Variants in AZIN1 observed in about 807,000 individuals in gnomAD.
The protein encoded by AZIN1 is ornithine decarboxylase antizyme inhibitor.
A neutral mutation model predicts 47.4 loss-of-function variants in AZIN1; 12 were observed. The observed-to-expected ratio is 0.25, with a 90% confidence interval of 0.16 to 0.41. The LOEUF (loss-of-function observed/expected upper bound fraction) is 0.41, where lower values mean the gene tolerates loss of function less well. Ranked by LOEUF, AZIN1 falls within the 10% of genes least tolerant of loss-of-function variation. The pLI, the probability that AZIN1 is intolerant of heterozygous loss-of-function variation, is 1.00. For missense variants in AZIN1, 410 were observed against 532.4 expected (o/e 0.77, Z 2.26); for synonymous variants, 155 against 176.3 (o/e 0.88, Z 0.96).
chr8:102,854,626 A>ATTTTTT lies in AZIN1; in HGVS notation c.-96+3381_-96+3386dup, dbSNP rs368388211. On this transcript the variant is annotated intron_variant, in intron 2 of 11. Transcript: ENST00000337198. ...AAAAAAAATATATATATATATATATATTTTTTTTCCCTAGTTAAAATAATC... is the reference window on the plus strand; with the variant it reads ...AAAAAAAATATATATATATATATATATTTTTTTTTTTTTTCCCTAGTTAAAATAATC... 1.6e-3 allele frequency: 221 copies of ATTTTTT among 136,694 alleles called. 1 individual carries two copies. The highest frequency in any genetic ancestry group is 7.6e-3 in the Admixed American group (98 of 12,946). The allele number at this position is 136,694 out of a possible 1,614,324, so 8.5% of individuals were successfully genotyped here.
At chr8:102,860,324 G>A (rs1297525271) in intron 1 of AZIN1, among the ~76,000 whole-genome samples, 3 of 152,034 alleles carry the variant, frequency 2.0e-5, no homozygotes, top group Non-Finnish European at 2.9e-5. Flanking sequence ...GTGCAGTGGC[G>A]CGATCTTGGC....
intron 2 of AZIN1, among the ~76,000 whole-genome samples, chr8:102,853,135 A>G (rs879895591): frequency 6.6e-5 from 10 of 152,276 alleles, no homozygotes; most frequent in Non-Finnish European, 1.0e-4. Context: ...TGGAACACAC[A>G]GATTGGTAGT....
chr8:102,834,624 G>A lies in AZIN1; in HGVS notation c.666+42C>T. The A allele has an allele frequency of 2.1e-6, 3 of 1,461,126 alleles. No individual in the cohort carries two copies. The South Asian group carries it at 3.6e-5, about 17-fold the overall frequency. The allele number at this position is 1,461,126 out of a possible 1,614,324, so 90.5% of individuals were successfully genotyped here. On this transcript the variant is annotated intron_variant, in intron 7 of 11. Transcript: ENST00000337198. ...ACTTAGTCTTTAACTTAACATCCTG[G>A]CTAAAATAAAATATCAAAATAACTT...
chr8:102,856,858 A>C (rs1813326401), intron 2 of AZIN1, among the ~76,000 whole-genome samples: 1 of 152,160 alleles, frequency 6.6e-6, no homozygotes. Flanking sequence ...CTGGATATAG[A>C]CTCTGATTCA....
rs371017657 is a variant in AZIN1 at position 102,838,844 on chromosome 8, C to A, written c.349G>T (p.Val117Leu). The change falls in exon 5 of 12, where the codon GTG (valine) becomes TTG (leucine). Residue 117 changes from valine to leucine, a missense_variant. Val to Leu is a conservative substitution (Grantham distance 32, BLOSUM62 1). This residue lies in a region of AZIN1 where 237 missense variants were observed against 309.4 expected (regional missense o/e 0.77). Coordinates refer to ENST00000337198, the MANE Select transcript of AZIN1 (RefSeq NM_148174.4). ...NIIYISPCKQ[V>L]SQIKYAAKVG... ...TTTGCTGCATACTTTATCTGAGACA[C>A]TTGCTTGCAAGGACTTATGTAAATA... 2 of 1,613,894 alleles carry A rather than the reference C, an allele frequency of 1.2e-6. No homozygotes were observed. Among genetic ancestry groups the A allele is most frequent in the African/African-American group, 2.7e-5 (2 of 74,938 alleles).
chr8:102,828,390 C>A lies in AZIN1; in HGVS notation c.*177G>T. On this transcript the variant is annotated 3_prime_UTR_variant, in exon 12 of 12. Coordinates refer to ENST00000337198, the MANE Select transcript of AZIN1 (RefSeq NM_148174.4). Reference sequence around the variant, plus strand: ...ATACATTATCTAAATCTCCCATTATCCCCAATGAATTATAGATGAAAGCTG... The same window carrying A: ...ATACATTATCTAAATCTCCCATTATACCCAATGAATTATAGATGAAAGCTG... 1 of 467,588 alleles carries A rather than the reference C, an allele frequency of 2.1e-6. No homozygotes were observed. Among genetic ancestry groups the A allele is most frequent in the South Asian group, 4.0e-5 (1 of 24,878 alleles). 29.0% of individuals were successfully genotyped at this position (467,588 alleles called of 1,614,324 possible).
intron 9 of AZIN1, among the ~76,000 whole-genome samples, chr8:102,831,001 C>T (rs761975372): frequency 1.3e-5 from 2 of 152,174 alleles, no homozygotes; most frequent in African/African-American, 2.4e-5. Context: ...CTCACAGCTA[C>T]TCTACTCTTA....
rs1314418019 is a variant in AZIN1, at chr8:102,839,764, T to C, written c.162A>G (p.Gln54=). 12 of 1,606,952 alleles carry C rather than the reference T, an allele frequency of 7.5e-6. No homozygotes were observed. The highest frequency in any genetic ancestry group is 2.7e-5 in the African/African-American group (2 of 74,870). ...DLGKIVKKHS[Q]WQNVVAQIKP... ...TTATCTGAGCCACTACATTCTGCCA[T>C]TGACTGTGTTTCTTCACAATCTTTC... The change falls in exon 4 of 12, where the codon CAA becomes CAG. Residue 54 remains glutamine, a synonymous_variant. Transcript: ENST00000337198.
chr8:102,829,590 G>GA, intron 10 of AZIN1, 104 bp from the exon 11 acceptor site: 1 of 1,139,934 alleles, frequency 8.8e-7, no homozygotes, highest in Non-Finnish European at 1.3e-6. Flanking sequence ...TGTGCTCATG[G>GA]AAAAAAGGCC....
chr8:102,839,529 C>T (rs796998931), intron 4 of AZIN1, 121 bp downstream of exon 4: 2 of 671,284 alleles, frequency 3.0e-6, no homozygotes, highest in East Asian at 3.3e-5. Context: ...GAGATTTAAA[C>T]AATTATTTTG....
At position 102,828,117 on chromosome 8, in the gene AZIN1, C is replaced by G. The variant is rs565688201; in HGVS notation, c.*450G>C. 6.6e-4 allele frequency: 101 copies of G among 153,108 alleles called. No homozygotes were observed. Among genetic ancestry groups the G allele is most frequent in the Non-Finnish European group, 1.2e-3 (85 of 68,290 alleles). The allele number at this position is 153,108 out of a possible 1,614,324, so 9.5% of individuals were successfully genotyped here. On this transcript the variant is annotated 3_prime_UTR_variant, in exon 12 of 12. Transcript: ENST00000337198. ...AGTTCAAAGCACAAATTTACACATT[C>G]TAAATACACTAAACGTTATCTAATG... is the stretch of plus-strand genomic sequence containing the variant.
chr8:102,859,420 T>C (rs1813490531), intron 1 of AZIN1, among the ~76,000 whole-genome samples: 1 of 152,218 alleles, frequency 6.6e-6, no homozygotes, highest in South Asian at 2.1e-4. Context: ...TGCTGCTTAA[T>C]GCAACCCAAG....
At chr8:102,843,887 C>A in intron 2 of AZIN1, 140 bp from the exon 3 acceptor site, 1 of 595,828 alleles carries the variant, frequency 1.7e-6, no homozygotes, top group Non-Finnish European at 2.6e-6. Flanking sequence ...TTATTAATTT[C>A]CTTTAACGCC....
intron 6 of AZIN1, chr8:102,835,321 C>A (rs1811749529): frequency 6.6e-6 from 1 of 152,406 alleles, no homozygotes; most frequent in South Asian, 2.1e-4. Context: ...GTCCATTCTT[C>A]TTTTCCCTTC....
intron 2 of AZIN1, among the ~76,000 whole-genome samples, chr8:102,846,332 G>A (rs150905258): frequency 6.6e-6 from 1 of 152,234 alleles, no homozygotes; most frequent in Non-Finnish European, 1.5e-5. Context: ...ATGATGATAT[G>A]GATAAAGATA....
At position 102,833,146 on chromosome 8, in the gene AZIN1, G is replaced by T. The variant is rs1454553708; in HGVS notation, c.814C>A (p.Pro272Thr). Residue 272 changes from proline (P) to threonine (T), a missense_variant, in exon 9 of 12, where the codon CCC (proline) becomes ACC (threonine). Around this residue, in one of 3 missense-constraint regions of AZIN1, gnomAD observed 5 missense variants for 24.6 expected, o/e 0.20. Transcript: ENST00000337198. Reference sequence around the variant, plus strand: ...GCAGAAGACACATAGTAGCTTCCGGGTTCTGAAATTATCTTAACACCAGAT... The same window carrying T: ...GCAGAAGACACATAGTAGCTTCCGGTTTCTGAAATTATCTTAACACCAGAT... Reference protein sequence around the residue: ...EGSGVKIISEPGSYYVSSAFT... With the variant: ...EGSGVKIISETGSYYVSSAFT... 9.9e-6 allele frequency: 16 copies of T among 1,613,032 alleles called. No individual in the cohort carries two copies. The highest frequency in any genetic ancestry group is 3.3e-4 in the Middle Eastern group (2 of 6,060).
intron 2 of AZIN1, among the ~76,000 whole-genome samples, chr8:102,849,517 G>A (rs1378793046): frequency 6.6e-6 from 1 of 151,440 alleles, no homozygotes; most frequent in African/African-American, 2.4e-5. Context: ...ATTGGACCTT[G>A]AACTAATTAT....
rs753147614 is a variant in AZIN1, at chr8:102,829,327, C to G, written c.1180G>C (p.Ala394Pro). The part of the protein sequence containing the change: ...MGADSFHEPS[A>P]FNDFQRPAIY... ...GCTGGCCTCTGAAAATCATTAAAAG[C>G]AGATGGTTCATGGAAAGAATCTGCT... Residue 394 changes from alanine to proline, a missense_variant, in exon 11 of 12, where the codon GCT (alanine) becomes CCT (proline). Physicochemically the swap from Ala to Pro is conservative, Grantham distance 27. Around this residue, in one of 3 missense-constraint regions of AZIN1, gnomAD observed 168 missense variants for 198.3 expected, o/e 0.85. Transcript: ENST00000337198. 9.9e-6 allele frequency: 16 copies of G among 1,613,776 alleles called. No individual in the cohort carries two copies. In the East Asian group the frequency reaches 3.6e-4, roughly 36 times the overall value.
intron 1 of AZIN1, among the ~76,000 whole-genome samples, chr8:102,861,608 C>G (rs1042572415): frequency 5.9e-5 from 9 of 152,068 alleles, no homozygotes; most frequent in Admixed American, 5.9e-4. Context: ...TACTGATAAT[C>G]TACAGATAAA....
Sources: gnomAD v4.1 joint callset for allele counts (sites outside exome capture counted in the v4.1 genomes callset) on GRCh38, gnomAD v4.1.1 for gene constraint, gnomAD v4.1.1 regional missense constraint, MANE v1.5 for transcripts, NCBI Gene and HGNC (gene_info 2026-07-23, HGNC 2026-07-21) for gene names.